The following ZMYM2 variants were observed in gnomAD, a reference collection of about 807,000 sequenced individuals.
The protein encoded by ZMYM2 is zinc finger MYM-type protein 2.
A neutral mutation model predicts 162.8 loss-of-function variants in ZMYM2; 56 were observed. That is an observed-to-expected ratio of 0.34 (90% confidence interval 0.28 to 0.43). The LOEUF (loss-of-function observed/expected upper bound fraction) is 0.43, where lower values mean the gene tolerates loss of function less well. Ranked by LOEUF, ZMYM2 falls within the 20% of genes least tolerant of loss-of-function variation. The pLI, the probability that ZMYM2 is intolerant of heterozygous loss-of-function variation, is 1.00. For synonymous variants in ZMYM2, 510 were observed against 541.6 expected, an observed-to-expected ratio of 0.94 and a Z score of 0.81; for missense variants, 1,275 against 1,621.8, an observed-to-expected ratio of 0.79 and a Z score of 3.67.
At chr13:20,042,559 G>A (rs1451941797) in intron 12 of ZMYM2, among the ~76,000 whole-genome samples, 1 of 151,824 alleles carries the variant, frequency 6.6e-6, no homozygotes, top group Non-Finnish European at 1.5e-5. Flanking sequence ...AGCCATCTCT[G>A]CCTGATTCAG....
At chr13:20,030,398 ATTT>A (rs537381497) in intron 9 of ZMYM2, among the ~76,000 whole-genome samples, 2 of 115,158 alleles carry the variant, frequency 1.7e-5, no homozygotes, top group Non-Finnish European at 1.7e-5. Context: ...TGCTCAGCTA[ATTT>A]TTTTTTTTTT....
At chr13:20,064,834 AT>A (rs1162490998) in intron 19 of ZMYM2, among the ~76,000 whole-genome samples, 3 of 150,646 alleles carry the variant, frequency 2.0e-5, no homozygotes, top group African/African-American at 4.8e-5. Flanking sequence ...AGTAATAAAA[AT>A]ATCTCAGATT....
At chr13:19,929,517 C>T in the ZMYM2 span, among the ~76,000 whole-genome samples, 1 of 152,276 alleles carries the variant, frequency 6.6e-6, no homozygotes, top group Non-Finnish European at 1.5e-5. Context: ...GGATTACATG[C>T]GTGAGCCACC....
At chr13:20,003,431 T>C (rs1950529780) in intron 4 of ZMYM2, among the ~76,000 whole-genome samples, 2 of 152,228 alleles carry the variant, frequency 1.3e-5, no homozygotes, top group Admixed American at 1.3e-4. Context: ...AAGCAGTTTA[T>C]GCGTGATTCT....
chr13:19,877,144 G>A, the ZMYM2 span, among the ~76,000 whole-genome samples: 4 of 151,528 alleles, frequency 2.6e-5, no homozygotes, highest in South Asian at 4.2e-4. Context: ...CCCGGGAGGC[G>A]GAGCTTGCAG....
the ZMYM2 span, among the ~76,000 whole-genome samples, chr13:19,910,863 G>A: frequency 1.3e-5 from 2 of 152,218 alleles, no homozygotes; most frequent in South Asian, 4.2e-4. Context: ...AATCCAAGTA[G>A]TCTAACTCTG....
At chr13:20,020,260 G>A (rs1229003213) in intron 7 of ZMYM2, among the ~76,000 whole-genome samples, 3 of 143,126 alleles carry the variant, frequency 2.1e-5, no homozygotes, top group African/African-American at 7.6e-5. Context: ...TTGAGACAGA[G>A]TTTCGCTCTT....
chr13:19,955,138 A>AATTATTATT (rs58375933), upstream of ZMYM2, among the ~76,000 whole-genome samples: 63 of 149,712 alleles, frequency 4.2e-4, no homozygotes, highest in East Asian at 2.3e-3. Flanking sequence ...TAGTTACTGC[A>AATTATTATT]ATTATTATTA....
At chr13:20,063,840 T>TAA (rs1566433863) in intron 18 of ZMYM2, among the ~76,000 whole-genome samples, 15 of 146,184 alleles carry the variant, frequency 1.0e-4, no homozygotes, top group African/African-American at 1.5e-4. Context: ...ATTTTATATA[T>TAA]TATATACATC....
chr13:19,967,669 A>G (rs1406513213), intron 2 of ZMYM2, among the ~76,000 whole-genome samples: 1 of 152,244 alleles, frequency 6.6e-6, no homozygotes, highest in African/African-American at 2.4e-5. Flanking sequence ...CAGGCAAGTC[A>G]TGTAACATCT....
Position 19,970,126 on chromosome 13 carries a change from T to C in ZMYM2, c.-11+10100T>C, listed in dbSNP as rs926274246. Reference sequence around the variant, plus strand: ...ATCTGTTTAAACATTATGGAAAATTTGTTATCAAAAACAGTCATTACACTA... The same window carrying C: ...ATCTGTTTAAACATTATGGAAAATTCGTTATCAAAAACAGTCATTACACTA... On this transcript the variant is annotated intron_variant, in intron 2 of 24. Coordinates refer to ENST00000610343, the MANE Select transcript of ZMYM2 (RefSeq NM_197968.4). 105 of 940,304 alleles carry C rather than the reference T, an allele frequency of 1.1e-4. 1 individual carries two copies. The highest frequency in any genetic ancestry group is 1.3e-4 in the Non-Finnish European group (101 of 788,886). 58.2% of individuals were successfully genotyped at this position (940,304 alleles called of 1,614,324 possible). A position where few individuals can be genotyped will look rare whatever the true frequency, so the allele number is the denominator to read the frequency against.
chr13:19,892,380 TC>T, the ZMYM2 span, among the ~76,000 whole-genome samples: 1 of 151,902 alleles, frequency 6.6e-6, no homozygotes, highest in Non-Finnish European at 1.5e-5. Flanking sequence ...CACGCCATTC[TC>T]CTGCCTCAGC....
At chr13:19,996,246 T>C (rs1190638998) in intron 3 of ZMYM2, among the ~76,000 whole-genome samples, 1 of 152,172 alleles carries the variant, frequency 6.6e-6, no homozygotes, top group Admixed American at 6.5e-5. Flanking sequence ...TGTCGAGTAA[T>C]GTCTGATTAT....
intron 18 of ZMYM2, among the ~76,000 whole-genome samples, chr13:20,063,596 C>T (rs767921274): frequency 9.5e-5 from 14 of 147,878 alleles, no homozygotes; most frequent in South Asian, 4.3e-4. Flanking sequence ...GCCTGGCCAA[C>T]GTCGTGAAAC....
At chr13:19,917,166 G>A in the ZMYM2 span, among the ~76,000 whole-genome samples, 4 of 151,892 alleles carry the variant, frequency 2.6e-5, no homozygotes, top group Non-Finnish European at 5.9e-5. Context: ...GTTTCACTGT[G>A]TTAGCCAGGA....
At chr13:19,962,516 T>TATATATATATA (rs1491235309) in intron 2 of ZMYM2, among the ~76,000 whole-genome samples, 3 of 29,814 alleles carry the variant, frequency 1.0e-4, no homozygotes, top group Admixed American at 9.3e-4. Context: ...TATATATATA[T>TATATATATATA]TTTTTTTTTT....
chr13:19,882,961 T>G, the ZMYM2 span, among the ~76,000 whole-genome samples: 30 of 152,304 alleles, frequency 2.0e-4, no homozygotes, highest in East Asian at 1.7e-3. Flanking sequence ...TCAATTTTTA[T>G]ACAGTACTAT....
the ZMYM2 span, among the ~76,000 whole-genome samples, chr13:19,884,732 A>C: frequency 6.6e-6 from 1 of 152,064 alleles, no homozygotes; most frequent in Non-Finnish European, 1.5e-5. Flanking sequence ...AAAAGACACA[A>C]ACTCTCGCGA....
intron 2 of ZMYM2, among the ~76,000 whole-genome samples, chr13:19,971,470 A>G (rs868057488): frequency 4.0e-5 from 6 of 151,374 alleles, no homozygotes; most frequent in African/African-American, 1.5e-4. Context: ...GGGTTTCTCC[A>G]TGTTGGTCAG....
Sources: gnomAD v4.1 joint callset for allele counts (sites outside exome capture counted in the v4.1 genomes callset) on GRCh38, gnomAD v4.1.1 for gene constraint, MANE v1.5 for transcripts, NCBI Gene and HGNC (gene_info 2026-07-23, HGNC 2026-07-21) for gene names.